The following RPH3A variants were observed in gnomAD, a reference collection of about 807,000 sequenced individuals.
RPH3A encodes rabphilin 3A.
In RPH3A, 48 loss-of-function variants were observed where a neutral mutation model predicts 102.2. The ratio of observed to expected loss-of-function variants is 0.47; its 90% CI spans 0.37 to 0.60. The LOEUF (loss-of-function observed/expected upper bound fraction) is 0.60, where lower values mean the gene tolerates loss of function less well. Among genes scored for constraint, RPH3A ranks in the 20% least tolerant of loss-of-function variants. The pLI, the probability that RPH3A is intolerant of heterozygous loss-of-function variation, is 0.00. For missense variants in RPH3A, 781 were observed against 910.1 expected (o/e 0.86, Z 1.83); for synonymous variants, 310 against 324.3 (o/e 0.96, Z 0.47).
intron 4 of RPH3A, among the ~76,000 whole-genome samples, chr12:112,844,354 G>A (rs1377154149): frequency 1.3e-5 from 2 of 152,178 alleles, no homozygotes; most frequent in Non-Finnish European, 2.9e-5. Flanking sequence ...AATGTAGGCA[G>A]CCTCTGGTAG....
At chr12:112,647,333 C>T (rs1355531730) in intron 1 of RPH3A, among the ~76,000 whole-genome samples, 1 of 152,108 alleles carries the variant, frequency 6.6e-6, no homozygotes, top group Non-Finnish European at 1.5e-5. Context: ...CTCTCTATGC[C>T]TCAGTTTCAT....
chr12:112,671,890 C>T (rs1377426696), intron 1 of RPH3A, among the ~76,000 whole-genome samples: 1 of 151,844 alleles, frequency 6.6e-6, no homozygotes, highest in East Asian at 1.9e-4. Flanking sequence ...CACACACACA[C>T]ACCCCAATAG....
chr12:112,622,149 G>A (rs1227184933), intron 1 of RPH3A, among the ~76,000 whole-genome samples: 6 of 131,104 alleles, frequency 4.6e-5, no homozygotes, highest in African/African-American at 3.2e-5. Context: ...AACGCAGAGC[G>A]CCTCTCCTCC....
At chr12:112,747,260 C>T (rs2040754945) in intron 1 of RPH3A, among the ~76,000 whole-genome samples, 4 of 152,246 alleles carry the variant, frequency 2.6e-5, no homozygotes, top group Admixed American at 2.6e-4. Flanking sequence ...CTGGAGCCCT[C>T]ATGAGTGGGA....
At chr12:112,762,746 G>T (rs1356081736) in intron 1 of RPH3A, among the ~76,000 whole-genome samples, 2 of 152,166 alleles carry the variant, frequency 1.3e-5, no homozygotes, top group Non-Finnish European at 2.9e-5. Flanking sequence ...TAGGGGCAAG[G>T]TGATCAACTG....
intron 1 of RPH3A, among the ~76,000 whole-genome samples, chr12:112,777,529 C>T (rs1415692522): frequency 2.0e-5 from 3 of 152,186 alleles, no homozygotes; most frequent in Admixed American, 1.3e-4. Context: ...CACGTAGGTG[C>T]CTCTGCTTTT....
At position 112,862,005 on chromosome 12, in the gene RPH3A, TCC is replaced by T. The variant is rs1475017764; in HGVS notation, c.231-3408_231-3407del. On this transcript the variant is annotated intron_variant, in intron 5 of 21. Transcript: ENST00000389385. Reference sequence around the variant, plus strand: ...TCCAGCCTGGGTGACAGAGCAAGACTCCGTCTCAAAAAAAAAAAAAAAAAAAA... The same window carrying T: ...TCCAGCCTGGGTGACAGAGCAAGACTGTCTCAAAAAAAAAAAAAAAAAAAA... Among the ~76,000 whole-genome samples, 4 of 92,724 alleles carry T rather than the reference TCC, an allele frequency of 4.3e-5. No individual in the cohort carries two copies. In the Admixed American group the frequency reaches 4.7e-4, roughly 11 times the overall value. The allele number at this position is 92,724 out of a possible 152,430, so 60.8% of individuals were successfully genotyped here.
chr12:112,691,660 G>A (rs117075314), intron 1 of RPH3A, among the ~76,000 whole-genome samples: 2,960 of 152,140 alleles, frequency 0.019, 63 homozygotes, highest in Non-Finnish European at 0.025. Context: ...TAGCCTTAGC[G>A]TCTTCACCTG....
intron 1 of RPH3A, among the ~76,000 whole-genome samples, chr12:112,674,015 T>A (rs1365863460): frequency 6.6e-6 from 1 of 152,210 alleles, no homozygotes; most frequent in Admixed American, 6.5e-5. Flanking sequence ...CACCTCAGCC[T>A]TCCAAAGTGC....
intron 1 of RPH3A, among the ~76,000 whole-genome samples, chr12:112,613,360 T>C (rs1364605115): frequency 6.6e-6 from 1 of 152,036 alleles, no homozygotes; most frequent in Non-Finnish European, 1.5e-5. Flanking sequence ...GCCTCGCGGT[T>C]CTAAGAATGG....
chr12:112,804,229 A>G (rs1468250977), intron 2 of RPH3A, among the ~76,000 whole-genome samples: 1 of 152,186 alleles, frequency 6.6e-6, no homozygotes, highest in Non-Finnish European at 1.5e-5. Flanking sequence ...GCCAAACCAT[A>G]AAGCTCCAAA....
chr12:112,679,298 C>T (rs894499769), intron 1 of RPH3A, among the ~76,000 whole-genome samples: 4 of 152,004 alleles, frequency 2.6e-5, no homozygotes, highest in East Asian at 1.9e-4. Context: ...AGACTACAGG[C>T]GCATGCCACG....
At chr12:112,827,922 C>G (rs1016485787) in intron 2 of RPH3A, among the ~76,000 whole-genome samples, 1 of 150,798 alleles carries the variant, frequency 6.6e-6, no homozygotes, top group African/African-American at 2.4e-5. Context: ...AAAAAAAAGG[C>G]AGGGATGACT....
At chr12:112,825,524 G>C (rs1263138014) in intron 2 of RPH3A, among the ~76,000 whole-genome samples, 2 of 151,946 alleles carry the variant, frequency 1.3e-5, no homozygotes, top group African/African-American at 2.4e-5. Flanking sequence ...ATCTCCACGT[G>C]GTCTCTCCCC....
At chr12:112,676,268 A>C (rs1306860434) in intron 1 of RPH3A, among the ~76,000 whole-genome samples, 1 of 151,766 alleles carries the variant, frequency 6.6e-6, no homozygotes, top group Admixed American at 6.6e-5. Context: ...ACAGATGTTA[A>C]CAGGATGCAT....
chr12:112,828,454 C>T (rs576795956), intron 3 of RPH3A, 65 bp downstream of exon 3: 2 of 1,227,436 alleles, frequency 1.6e-6, no homozygotes, highest in East Asian at 2.5e-5. Flanking sequence ...CAATTCTACA[C>T]TTGAAAAAAA....
At chr12:112,738,453 A>G (rs1170959779) in intron 1 of RPH3A, among the ~76,000 whole-genome samples, 1 of 152,158 alleles carries the variant, frequency 6.6e-6, no homozygotes. Flanking sequence ...ATTTCCAAAT[A>G]AGGTCACATT....
intron 5 of RPH3A, among the ~76,000 whole-genome samples, chr12:112,849,210 G>A (rs2042281316): frequency 6.6e-6 from 1 of 152,184 alleles, no homozygotes; most frequent in South Asian, 2.1e-4. Context: ...CTCAGGGCAG[G>A]CTAGGGAAAT....
chr12:112,831,118 T>TTTTA (rs57564178), intron 3 of RPH3A, among the ~76,000 whole-genome samples: 2 of 151,686 alleles, frequency 1.3e-5, no homozygotes, highest in Non-Finnish European at 2.9e-5. Context: ...TTTTTTTTTT[T>TTTTA]ACATAAAAAC....
Sources: allele counts gnomAD v4.1 joint callset (sites outside exome capture counted in the v4.1 genomes callset), GRCh38; gene constraint gnomAD v4.1.1; transcripts MANE v1.5; gene names NCBI Gene and HGNC (gene_info 2026-07-23, HGNC 2026-07-21).